Variants in SLC35F3 observed in about 807,000 individuals in gnomAD.
The protein encoded by SLC35F3 is putative thiamine transporter SLC35F3.
SLC35F3 carries 25 observed loss-of-function variants against 49.9 expected under a neutral mutation model. The observed-to-expected ratio is 0.50, with a 90% confidence interval of 0.37 to 0.70. The LOEUF (loss-of-function observed/expected upper bound fraction) is 0.70, where lower values mean the gene tolerates loss of function less well. Ranked by LOEUF, SLC35F3 falls within the 30% of genes least tolerant of loss-of-function variation. The pLI, the probability that SLC35F3 is intolerant of heterozygous loss-of-function variation, is 0.00. For synonymous variants in SLC35F3, 275 were observed against 265.4 expected (o/e 1.04, Z -0.35); for missense variants, 525 against 639.8 (o/e 0.82, Z 1.94).
rs201438799 is a variant in SLC35F3 at position 233,996,546 on chromosome 1, G to GGA, written c.283+90789_283+90790insAG. Among the ~76,000 whole-genome samples, 25 of 152,100 alleles carry GGA rather than the reference G, an allele frequency of 1.6e-4. No homozygotes were observed. In the East Asian group the frequency reaches 4.6e-3, roughly 28 times the overall value. ...CCTCAGGGGAGGATGAGGACTTGGGGGGAATTTGTGGGTTCCCTGACAGCC... is the reference window on the plus strand; with the variant it reads ...CCTCAGGGGAGGATGAGGACTTGGGGGAGGAATTTGTGGGTTCCCTGACAGCC... On this transcript the variant is annotated intron_variant, in intron 2 of 7. Transcript: ENST00000366618.
intron 3 of SLC35F3, among the ~76,000 whole-genome samples, chr1:234,290,636 G>A (rs1307986742): frequency 2.0e-5 from 3 of 152,218 alleles, no homozygotes; most frequent in African/African-American, 7.2e-5. Context: ...CACCCTGGAT[G>A]GGCCCTGGAG....
At chr1:234,077,305 A>G (rs1664807801) in intron 2 of SLC35F3, among the ~76,000 whole-genome samples, 1 of 152,232 alleles carries the variant, frequency 6.6e-6, no homozygotes, top group Non-Finnish European at 1.5e-5. Flanking sequence ...CGCCCGGCCA[A>G]GAAAGAGGTT....
intron 2 of SLC35F3, among the ~76,000 whole-genome samples, chr1:234,200,961 C>T (rs1666892317): frequency 1.3e-5 from 2 of 152,208 alleles, no homozygotes; most frequent in African/African-American, 4.8e-5. Context: ...TCCCAAACTG[C>T]GGGTGATATA....
chr1:234,204,658 T>C (rs1246150655), intron 2 of SLC35F3, among the ~76,000 whole-genome samples: 2 of 152,224 alleles, frequency 1.3e-5, no homozygotes, highest in African/African-American at 4.8e-5. Context: ...TGTATACATT[T>C]AGCCCTCCAA....
chr1:234,257,823 A>T (rs906331201), intron 3 of SLC35F3, among the ~76,000 whole-genome samples: 5 of 152,258 alleles, frequency 3.3e-5, no homozygotes, highest in Non-Finnish European at 5.9e-5. Flanking sequence ...GGTTGAAATG[A>T]TCAGCCTAAG....
chr1:234,241,307 G>T (rs1035200367), intron 3 of SLC35F3, among the ~76,000 whole-genome samples: 1 of 152,168 alleles, frequency 6.6e-6, no homozygotes, highest in African/African-American at 2.4e-5. Flanking sequence ...AGAAAGGAAT[G>T]AGACCACGTG....
intron 4 of SLC35F3, 103 bp downstream of exon 4, chr1:234,309,423 G>A: frequency 1.0e-6 from 1 of 964,002 alleles, no homozygotes; most frequent in African/African-American, 1.6e-5. Flanking sequence ...AGCATAAGCT[G>A]CTGACCACTT....
intron 2 of SLC35F3, among the ~76,000 whole-genome samples, chr1:234,154,901 T>C (rs1666128597): frequency 6.6e-6 from 1 of 152,120 alleles, no homozygotes; most frequent in Non-Finnish European, 1.5e-5. Flanking sequence ...ATGTAAATCA[T>C]CCATCTATAT....
intron 2 of SLC35F3, among the ~76,000 whole-genome samples, chr1:234,174,949 GTCC>G: frequency 6.6e-6 from 1 of 152,214 alleles, no homozygotes; most frequent in Non-Finnish European, 1.5e-5. Flanking sequence ...AAAGAGTTCA[GTCC>G]TCCTGGGGAC....
chr1:234,050,199 T>C (rs1352553989), intron 2 of SLC35F3, among the ~76,000 whole-genome samples: 1 of 152,240 alleles, frequency 6.6e-6, no homozygotes, highest in Non-Finnish European at 1.5e-5. Flanking sequence ...TCTAGATCCT[T>C]GAGGAATCGC....
intron 2 of SLC35F3, among the ~76,000 whole-genome samples, chr1:233,935,189 CTTTTTTTTTTTT>C (rs35418747): frequency 6.0e-5 from 3 of 50,302 alleles, no homozygotes; most frequent in Admixed American, 3.7e-4. Flanking sequence ...TTTCCTTGCC[CTTTTTTTTTTTT>C]TTTTTTTTTT....
intron 3 of SLC35F3, among the ~76,000 whole-genome samples, chr1:234,266,114 T>C (rs1277162988): frequency 6.6e-6 from 1 of 152,240 alleles, no homozygotes; most frequent in Non-Finnish European, 1.5e-5. Flanking sequence ...TTGCTCTCTG[T>C]ACTAGGATAC....
At chr1:234,019,635 T>C (rs1663861880) in intron 2 of SLC35F3, among the ~76,000 whole-genome samples, 1 of 152,136 alleles carries the variant, frequency 6.6e-6, no homozygotes, top group African/African-American at 2.4e-5. Context: ...ATCCACAGAT[T>C]TAAGTTTTAG....
chr1:233,987,847 A>G (rs1285375984), intron 2 of SLC35F3, among the ~76,000 whole-genome samples: 1 of 152,124 alleles, frequency 6.6e-6, no homozygotes, highest in Non-Finnish European at 1.5e-5. Context: ...CTCCAAATTT[A>G]TGTTTCAACC....
intron 2 of SLC35F3, among the ~76,000 whole-genome samples, chr1:234,170,516 T>C (rs1287838088): frequency 2.0e-5 from 3 of 151,984 alleles, no homozygotes; most frequent in South Asian, 2.1e-4. Context: ...CCCCAGGGTG[T>C]AGAGTACCCG....
At chr1:233,966,368 G>C (rs1301386326) in intron 2 of SLC35F3, among the ~76,000 whole-genome samples, 1 of 152,126 alleles carries the variant, frequency 6.6e-6, no homozygotes, top group Non-Finnish European at 1.5e-5. Flanking sequence ...ACTTAAATCA[G>C]ACCTAATCTG....
intron 2 of SLC35F3, among the ~76,000 whole-genome samples, chr1:234,150,558 A>G (rs945956319): frequency 6.6e-6 from 1 of 152,044 alleles, no homozygotes; most frequent in Non-Finnish European, 1.5e-5. Context: ...TACCTCTCAT[A>G]TCTTATCTCA....
At chr1:234,238,666 G>C (rs1219070824) in intron 3 of SLC35F3, among the ~76,000 whole-genome samples, 1 of 152,076 alleles carries the variant, frequency 6.6e-6, no homozygotes, top group Admixed American at 6.5e-5. Flanking sequence ...CTTCATCCCA[G>C]TGAAATTCAA....
At chr1:233,998,279 T>A (rs1020806593) in intron 2 of SLC35F3, among the ~76,000 whole-genome samples, 3 of 152,132 alleles carry the variant, frequency 2.0e-5, no homozygotes, top group Non-Finnish European at 4.4e-5. Flanking sequence ...CATTGTTATA[T>A]GCATTGGATA....
Sources: allele counts gnomAD v4.1 joint callset (sites outside exome capture counted in the v4.1 genomes callset), GRCh38; gene constraint gnomAD v4.1.1; transcripts MANE v1.5; gene names NCBI Gene and HGNC (gene_info 2026-07-23, HGNC 2026-07-21).